Variants in SNU13 observed in about 807,000 individuals in gnomAD.
The protein encoded by SNU13 is NHP2-like protein 1.
In SNU13, 2 loss-of-function variants were observed where a neutral mutation model predicts 12.4. The observed-to-expected ratio is 0.16, with a 90% CI of 0.07 to 0.51. The LOEUF is 0.51. Among genes scored for constraint, SNU13 ranks in the 20% least tolerant of loss-of-function variants. SNU13 has a pLI of 0.96. For missense variants in SNU13, 66 were observed against 157.8 expected, an observed-to-expected ratio of 0.42 and a Z score of 3.12; for synonymous variants, 68 against 66.5, an observed-to-expected ratio of 1.02 and a Z score of -0.11.
intron 1 of SNU13, among the ~76,000 whole-genome samples, chr22:41,681,927 G>C (rs1391524378): frequency 6.6e-6 from 1 of 152,040 alleles, no homozygotes; most frequent in East Asian, 1.9e-4. Flanking sequence ...TGAGTGGCCT[G>C]CCTATTCCGC....
At chr22:41,690,379 T>C (rs114051934), upstream of SNU13, 3,295 of 717,986 alleles carry the variant, frequency 4.6e-3, 68 homozygotes, top group African/African-American at 0.047. Context: ...TGGGTTTGTT[T>C]AAAACAAGTT....
rs1311567426 is a variant in SNU13 at position 41,677,612 on chromosome 22, TACTC to T, written c.125-2421_125-2418del. ...CATTTCTATTGATATTACTATAGCT[TACTC>T]ACCCTACAAAAGTCATAGGAGTGAC... On this transcript the variant is annotated intron_variant, in intron 2 of 2. Transcript: ENST00000401959. 9.2e-5 allele frequency among the ~76,000 whole-genome samples: 14 copies of T among 152,290 alleles called. No homozygotes were observed. The South Asian group carries it at 2.7e-3, about 29-fold the overall frequency.
chr22:41,684,060 C>T (rs551340512), intron 1 of SNU13, among the ~76,000 whole-genome samples: 6 of 152,228 alleles, frequency 3.9e-5, no homozygotes, highest in African/African-American at 1.2e-4. Flanking sequence ...CGCGTCACCA[C>T]ACCGGGCTAA....
upstream of SNU13, chr22:41,689,174 C>G (rs902386016): frequency 3.0e-5 from 25 of 844,764 alleles, no homozygotes; most frequent in African/African-American, 4.4e-4. Flanking sequence ...CCAGCCTGGC[C>G]AACATGGCGA....
intron 1 of SNU13, among the ~76,000 whole-genome samples, chr22:41,685,187 T>G (rs1191355372): frequency 6.6e-6 from 1 of 151,654 alleles, no homozygotes; most frequent in Admixed American, 6.6e-5. Flanking sequence ...ACACCCTTTT[T>G]GTTGTTGAGA....
intron 1 of SNU13, chr22:41,681,140 A>G (rs2068260058): frequency 6.6e-6 from 1 of 152,224 alleles, no homozygotes; most frequent in Non-Finnish European, 1.5e-5. Context: ...CCAACACATT[A>G]AAGTATTTCC....
rs191265159 is a variant in SNU13 at position 41,683,728 on chromosome 22, G to C, written c.4-3364C>G. Among the ~76,000 whole-genome samples, 10 of 152,166 alleles carry C rather than the reference G, an allele frequency of 6.6e-5. No homozygotes were observed. The East Asian group carries it at 1.9e-3, about 29-fold the overall frequency. The stretch of plus-strand genomic sequence containing the variant: ...ATCTATTCTAAATTGACCCTATATA[G>C]GGTTTAACAACTTGCACACCCACCA... On this transcript the variant is annotated intron_variant, in intron 1 of 2. Transcript: ENST00000401959.
upstream of SNU13, among the ~76,000 whole-genome samples, chr22:41,690,199 G>A (rs143863378): frequency 1.3e-3 from 197 of 152,288 alleles, 2 homozygotes; most frequent in African/African-American, 4.5e-3. Context: ...AGAAAGGCAT[G>A]TTGAGTGGTT....
In SNU13 at chr22:41,674,019, C is replaced by T. The variant is rs2068188284; in HGVS notation, c.*914G>A. On this transcript the variant is annotated 3_prime_UTR_variant, in exon 3 of 3. Transcript: ENST00000401959. ...CACTCTCCTCATGTGACAGAGAGTACATCTGACCCACATGGTGGCAGGACA... is the reference window on the plus strand; with the variant it reads ...CACTCTCCTCATGTGACAGAGAGTATATCTGACCCACATGGTGGCAGGACA... 1 of 152,226 alleles carries T rather than the reference C, an allele frequency of 6.6e-6. No individual in the cohort carries two copies. The highest frequency in any genetic ancestry group is 1.5e-5 in the Non-Finnish European group (1 of 68,044). 9.4% of individuals were successfully genotyped at this position (152,226 alleles called of 1,614,324 possible). A position where few individuals can be genotyped will look rare whatever the true frequency, so the allele number is the denominator to read the frequency against.
At chr22:41,688,936 C>A, upstream of SNU13, 1 of 1,414,818 alleles carries the variant, frequency 7.1e-7, no homozygotes, top group Non-Finnish European at 9.3e-7. Flanking sequence ...GCTACGCGAG[C>A]GAGTGGGCCC....
At chr22:41,687,585 G>A (rs2068321124) in intron 1 of SNU13, 3 of 152,094 alleles carry the variant, frequency 2.0e-5, no homozygotes, top group Non-Finnish European at 1.5e-5. Flanking sequence ...TTCTTCAGGG[G>A]TTAAATAAAT....
chr22:41,682,411 C>G (rs530373818), intron 1 of SNU13: 3 of 1,613,190 alleles, frequency 1.9e-6, no homozygotes, highest in Admixed American at 3.3e-5. Context: ...CCACGCGTGT[C>G]GGTTTGGACG....
chr22:41,684,272 CGGAAA>C (rs2068291452), intron 1 of SNU13, among the ~76,000 whole-genome samples: 1 of 152,120 alleles, frequency 6.6e-6, no homozygotes, highest in Non-Finnish European at 1.5e-5. Context: ...AGAGGGGCTT[CGGAAA>C]GGAAAAGACC....
chr22:41,676,384 G>A (rs1354520093), intron 2 of SNU13, among the ~76,000 whole-genome samples: 5 of 152,164 alleles, frequency 3.3e-5, no homozygotes, highest in African/African-American at 9.7e-5. Flanking sequence ...CACTGTCTGA[G>A]TGCAAATGCT....
chr22:41,683,912 G>T (rs935330415), intron 1 of SNU13, among the ~76,000 whole-genome samples: 9 of 151,266 alleles, frequency 5.9e-5, no homozygotes, highest in African/African-American at 1.5e-4. Flanking sequence ...TTTTTTTGTT[G>T]TTTTTTTTGA....
In SNU13 at chr22:41,675,002, G is replaced by A. The variant is rs761158989; in HGVS notation, c.318C>T (p.Ile106=). 1.8e-5 allele frequency: 29 copies of A among 1,614,062 alleles called. No homozygotes were observed. The highest frequency in any genetic ancestry group is 2.2e-5 in the Non-Finnish European group (26 of 1,180,040). ...GCTGTTTCAGCTGCGAGCCTTCTTT[G>A]ATGGTGACAGAACAGGCGATGACAG... ...SRPVIACSVT[I]KEGSQLKQQI... Residue 106 remains isoleucine (I), a synonymous_variant, in exon 3 of 3, where the codon ATC becomes ATT. Coordinates refer to ENST00000401959, the MANE Select transcript of SNU13 (RefSeq NM_001003796.2).
intron 1 of SNU13, among the ~76,000 whole-genome samples, chr22:41,680,715 G>A (rs1246231727): frequency 1.3e-5 from 2 of 152,132 alleles, no homozygotes; most frequent in Non-Finnish European, 2.9e-5. Context: ...TTATTTTTTA[G>A]ATGGAGTCTT....
intron 1 of SNU13, chr22:41,682,726 G>T: frequency 2.5e-6 from 1 of 393,568 alleles, no homozygotes; most frequent in Non-Finnish European, 4.2e-6. Flanking sequence ...TGTCGCCTAG[G>T]TTGGAGTGCA....
At chr22:41,682,837 C>T (rs2068277592) in intron 1 of SNU13, among the ~76,000 whole-genome samples, 1 of 151,910 alleles carries the variant, frequency 6.6e-6, no homozygotes, top group African/African-American at 2.4e-5. Context: ...TTAGTAGAGA[C>T]GGGGTTTCAC....
Sources: gnomAD v4.1 joint callset for allele counts (sites outside exome capture counted in the v4.1 genomes callset) on GRCh38, gnomAD v4.1.1 for gene constraint, MANE v1.5 for transcripts, NCBI Gene and HGNC (gene_info 2026-07-23, HGNC 2026-07-21) for gene names.